The following HERC2 variants were observed in gnomAD, a reference collection of about 807,000 sequenced individuals.
The protein encoded by HERC2 is HECT and RLD domain containing E3 ubiquitin protein ligase 2, also known as E3 ubiquitin-protein ligase HERC2.
In HERC2, 102 loss-of-function variants were observed where a neutral mutation model predicts 537.7. The observed-to-expected ratio is 0.19, with a 90% confidence interval of 0.16 to 0.22. HERC2 has a LOEUF of 0.22. Ranked by LOEUF, HERC2 falls within the 10% of genes least tolerant of loss-of-function variation. HERC2 has a pLI of 1.00. For missense variants in HERC2, 4,236 were observed against 6,198.2 expected, an observed-to-expected ratio of 0.68 and a Z score of 10.63; for synonymous variants, 2,224 against 2,466.2, an observed-to-expected ratio of 0.90 and a Z score of 2.91.
chr15:28,113,351 C>A lies in HERC2; in HGVS notation c.14020-68G>T. 1 of 1,494,780 alleles carries A rather than the reference C, an allele frequency of 6.7e-7. No homozygotes were observed. The highest frequency in any genetic ancestry group is 9.3e-7 in the Non-Finnish European group (1 of 1,080,104). The allele number at this position is 1,494,780 out of a possible 1,614,324, so 92.6% of individuals were successfully genotyped here. Reference sequence around the variant, plus strand: ...CTGGCATTTCCGCAAGACTCCGTCACGCTCCCTCTCTACACCAAGGCCTGT... The same window carrying A: ...CTGGCATTTCCGCAAGACTCCGTCAAGCTCCCTCTCTACACCAAGGCCTGT... On this transcript the variant is annotated intron_variant, in intron 91 of 92. Transcript: ENST00000261609. The surrounding 1 kb of genome is among the most constrained non-coding windows in gnomAD (Gnocchi z 7.0).
chr15:28,214,269 G>A lies in HERC2; in HGVS notation c.6362C>T (p.Ser2121Phe), dbSNP rs766264159. The change falls in exon 41 of 93, where the codon TCC becomes TTC. Residue 2121 changes from serine (S) to phenylalanine (F), a missense_variant. Coordinates refer to ENST00000261609, the MANE Select transcript of HERC2 (RefSeq NM_004667.6). ...CSSDVPLLRESTLRRRRVRPQ... is the reference protein window; with the variant it reads ...CSSDVPLLREFTLRRRRVRPQ... The stretch of plus-strand genomic sequence containing the variant: ...GCGCACCCTGCGCCGCCTCAGCGTG[G>A]ACTCTGAGGAGGAAACCAGGGGAGA... 2 of 1,610,608 alleles carry A rather than the reference G, an allele frequency of 1.2e-6. No individual in the cohort carries two copies. The highest frequency in any genetic ancestry group is 2.2e-5 in the East Asian group (1 of 44,870).
At chr15:28,279,319 G>A (rs1214579527) in intron 5 of HERC2, among the ~76,000 whole-genome samples, 1 of 152,112 alleles carries the variant, frequency 6.6e-6, no homozygotes, top group Non-Finnish European at 1.5e-5. Context: ...AAAAGAATAA[G>A]AAAATCACAT....
intron 38 of HERC2, 26 bp downstream of exon 38, chr15:28,218,463 T>C (rs1334113139): frequency 6.3e-7 from 1 of 1,577,102 alleles, no homozygotes; most frequent in Admixed American, 1.7e-5. Flanking sequence ...GCTGACTCCC[T>C]GGGCCCTCGA....
chr15:28,185,271 T>G (rs1896201434), intron 56 of HERC2, among the ~76,000 whole-genome samples: 1 of 152,056 alleles, frequency 6.6e-6, no homozygotes, highest in African/African-American at 2.4e-5. Context: ...AGTGCTCTGT[T>G]GTCTCCTCAT....
In HERC2 at chr15:28,132,668, C is replaced by A; in HGVS notation, c.12393G>T (p.Gln4131His). Residue 4131 changes from glutamine to histidine, a missense_variant, in exon 80 of 93, where the codon CAG (glutamine) becomes CAT (histidine). By Grantham distance (24) the Gln-to-His change is conservative. Coordinates refer to ENST00000261609, the MANE Select transcript of HERC2 (RefSeq NM_004667.6). The part of the protein sequence containing the change: ...GRLGHSDSED[Q>H]LKPKLVEALQ... Reference sequence around the variant, plus strand: ...GCCTCCTCACCAGCTTCGGCTTCAGCTGGTCCTCACTGTCGCTGTGCCCCA... The same window carrying A: ...GCCTCCTCACCAGCTTCGGCTTCAGATGGTCCTCACTGTCGCTGTGCCCCA... 1 of 1,550,828 alleles carries A rather than the reference C, an allele frequency of 6.4e-7. No homozygotes were observed. Among genetic ancestry groups the A allele is most frequent in the Admixed American group, 1.9e-5 (1 of 51,492 alleles).
At position 28,214,724 on chromosome 15, in the gene HERC2, C is replaced by T. The variant is rs544844709; in HGVS notation, c.6289G>A (p.Val2097Met). The T allele has an allele frequency of 3.1e-6, 5 of 1,611,892 alleles. No homozygotes were observed. The highest frequency in any genetic ancestry group is 1.3e-5 in the African/African-American group (1 of 74,966). ...CCCAAGAAGTCAAACAGCTTCTCCA[C>T]GAGGCATTTCATGTCCCTCGCCCTT... The part of the protein sequence containing the change: ...TERARDMKCL[V>M]EKLFDFLGSL... The change falls in exon 40 of 93, where the codon GTG becomes ATG. Residue 2097 changes from valine to methionine, a missense_variant. Transcript: ENST00000261609.
intron 14 of HERC2, among the ~76,000 whole-genome samples, chr15:28,264,882 A>C (rs1306145989): frequency 6.6e-6 from 1 of 152,120 alleles, no homozygotes; most frequent in Admixed American, 6.5e-5. Flanking sequence ...CAGAAACAAC[A>C]CGGCTCTGAC....
chr15:28,216,593 G>A (rs1210492914), intron 38 of HERC2, among the ~76,000 whole-genome samples: 2 of 148,584 alleles, frequency 1.3e-5, no homozygotes, highest in African/African-American at 5.0e-5. Context: ...GAGGACACCT[G>A]CCTTCCTTCA....
At chr15:28,229,129 G>T (rs1051100820) in intron 34 of HERC2, 66 bp downstream of exon 34, 10 of 1,389,804 alleles carry the variant, frequency 7.2e-6, no homozygotes, top group Admixed American at 5.1e-5. Context: ...ATTGGCATTT[G>T]CAAGTTTCCA....
intron 81 of HERC2, among the ~76,000 whole-genome samples, chr15:28,130,981 C>A (rs1310834970): frequency 6.6e-6 from 1 of 152,132 alleles, no homozygotes; most frequent in African/African-American, 2.4e-5. Flanking sequence ...CAGAGGCCCG[C>A]GGGGGAGGAG....
At chr15:28,155,499 C>CATTT (rs1245865781) in intron 69 of HERC2, among the ~76,000 whole-genome samples, 1 of 152,102 alleles carries the variant, frequency 6.6e-6, no homozygotes, top group Non-Finnish European at 1.5e-5. Flanking sequence ...TTTTGATTTG[C>CATTT]ATTTCTCTGA....
rs769969582 is a variant in HERC2, at chr15:28,141,455, A to G, written c.11992T>C (p.Phe3998Leu). 2 of 1,614,038 alleles carry G rather than the reference A, an allele frequency of 1.2e-6. No individual in the cohort carries two copies. The highest frequency in any genetic ancestry group is 2.7e-5 in the African/African-American group (2 of 74,896). ...ACCTTCCCATCAGCCGTCACAGCAA[A>G]GAGGGTCTGTTCCCCTCCGATTAAC... ...VQLIGGEQTL[F>L]AVTADGKLYA... Residue 3998 changes from phenylalanine to leucine, a missense_variant, in exon 78 of 93, where the codon TTT (phenylalanine) becomes CTT (leucine). Coordinates refer to ENST00000261609, the MANE Select transcript of HERC2 (RefSeq NM_004667.6).
At chr15:28,252,317 G>A (rs576511901) in intron 20 of HERC2, among the ~76,000 whole-genome samples, 1 of 151,822 alleles carries the variant, frequency 6.6e-6, no homozygotes, top group Non-Finnish European at 1.5e-5. Flanking sequence ...GCAGGAGACG[G>A]GGAAAACGGG....
At chr15:28,282,618 A>G (rs1048424016) in intron 4 of HERC2, among the ~76,000 whole-genome samples, 8 of 152,212 alleles carry the variant, frequency 5.3e-5, no homozygotes, top group African/African-American at 1.9e-4. Flanking sequence ...AAGTTATCCA[A>G]TGTGAATAAC....
intron 36 of HERC2, among the ~76,000 whole-genome samples, chr15:28,220,852 C>A (rs1900453842): frequency 6.7e-6 from 1 of 149,912 alleles, no homozygotes; most frequent in African/African-American, 2.5e-5. Flanking sequence ...GCGTGCCCTG[C>A]CCTGGTCCTT....
intron 5 of HERC2, among the ~76,000 whole-genome samples, chr15:28,277,564 A>G (rs1361296225): frequency 1.3e-5 from 2 of 152,204 alleles, no homozygotes; most frequent in African/African-American, 4.8e-5. Context: ...ATCACAAAGG[A>G]AACAGCAGAG....
chr15:28,123,988 G>T, intron 85 of HERC2, 49 bp downstream of exon 85: 1 of 1,441,518 alleles, frequency 6.9e-7, no homozygotes, highest in African/African-American at 1.4e-5. Flanking sequence ...TGGGTTACAT[G>T]TACTGAAGAC....
chr15:28,188,417 GCCTATAGTC>G (rs1290586721), intron 55 of HERC2, among the ~76,000 whole-genome samples: 1 of 151,998 alleles, frequency 6.6e-6, no homozygotes, highest in African/African-American at 2.4e-5. Context: ...GGTGGCAGGC[GCCTATAGTC>G]CCAGCTACTC....
chr15:28,150,756 G>C (rs147808773), intron 70 of HERC2, among the ~76,000 whole-genome samples: 1 of 150,892 alleles, frequency 6.6e-6, no homozygotes, highest in East Asian at 2.0e-4. Flanking sequence ...ATGGCCACAC[G>C]AACGTATATT....
Sources: gnomAD v4.1 joint callset for allele counts (sites outside exome capture counted in the v4.1 genomes callset) on GRCh38, gnomAD v4.1.1 for gene constraint, Gnocchi (gnomAD v3.1) non-coding constraint, MANE v1.5 for transcripts, NCBI Gene and HGNC (gene_info 2026-07-23, HGNC 2026-07-21) for gene names.